ANKRD30B: variants seen among roughly 807,000 people sequenced by gnomAD.
ANKRD30B encodes the protein ankyrin repeat domain-containing protein 30B.
Under a neutral mutation model 202.2 loss-of-function variants are expected in ANKRD30B, and 144 were observed. That is an observed-to-expected ratio of 0.71 (90% CI 0.62 to 0.82). The LOEUF (loss-of-function observed/expected upper bound fraction) is 0.82. Ranked by LOEUF, ANKRD30B falls within the 40% of genes least tolerant of loss-of-function variation. The pLI is 0.00. For synonymous variants in ANKRD30B, 508 were observed against 561.3 expected (o/e 0.91, Z 1.34); for missense variants, 1,487 against 1,669.1 (o/e 0.89, Z 1.90).
intron 11 of ANKRD30B, among the ~76,000 whole-genome samples, chr18:14,781,514 C>T (rs1967745307): frequency 6.6e-6 from 1 of 152,082 alleles, no homozygotes. Context: ...AGCCAGGAGA[C>T]TTATTCTTAA....
chr18:14,861,425 A>T, the ANKRD30B span, among the ~76,000 whole-genome samples: 1 of 151,624 alleles, frequency 6.6e-6, no homozygotes, highest in Non-Finnish European at 1.5e-5. Context: ...TGGATGGAAA[A>T]ATATTCATCA....
intron 9 of ANKRD30B, among the ~76,000 whole-genome samples, chr18:14,776,292 G>T (rs573804491): frequency 1.3e-5 from 2 of 152,286 alleles, no homozygotes; most frequent in East Asian, 3.9e-4. Flanking sequence ...AGTAGGAAGA[G>T]AATAACAAAT....
At chr18:14,806,325 C>G (rs1969511549) in intron 24 of ANKRD30B, among the ~76,000 whole-genome samples, 1 of 150,854 alleles carries the variant, frequency 6.6e-6, no homozygotes, top group Non-Finnish European at 1.5e-5. Context: ...TTACAGATGT[C>G]AGCAAGCCTT....
downstream of ANKRD30B, among the ~76,000 whole-genome samples, chr18:14,858,721 G>C (rs1972138218): frequency 6.8e-6 from 1 of 147,342 alleles, no homozygotes; most frequent in African/African-American, 2.5e-5. Flanking sequence ...TCACCTCCCA[G>C]ACGGGGCGGC....
intron 19 of ANKRD30B, 37 bp from the exon 20 acceptor site, chr18:14,797,745 A>G: frequency 6.3e-7 from 1 of 1,599,288 alleles, no homozygotes; most frequent in Non-Finnish European, 8.5e-7. Flanking sequence ...TGAAGTGTAC[A>G]TTATATATTA....
intron 10 of ANKRD30B, among the ~76,000 whole-genome samples, chr18:14,779,435 C>T (rs1055254433): frequency 1.3e-5 from 2 of 152,172 alleles, no homozygotes; most frequent in African/African-American, 4.8e-5. Flanking sequence ...AAAACGCATT[C>T]ACACCAAATA....
chr18:14,926,936 T>C, the ANKRD30B span, among the ~76,000 whole-genome samples: 4 of 152,172 alleles, frequency 2.6e-5, no homozygotes, highest in East Asian at 7.7e-4. Flanking sequence ...TGTGTGTGTG[T>C]GTGTGTGTGT....
chr18:14,887,020 A>ATC, the ANKRD30B span, among the ~76,000 whole-genome samples: 3 of 152,122 alleles, frequency 2.0e-5, no homozygotes, highest in Non-Finnish European at 4.4e-5. Flanking sequence ...CTCATCTATA[A>ATC]ATGTATTACC....
At chr18:14,847,054 A>ATGTGTG (rs1293776468) in intron 39 of ANKRD30B, among the ~76,000 whole-genome samples, 2 of 17,924 alleles carry the variant, frequency 1.1e-4, no homozygotes, top group Admixed American at 4.1e-4. Flanking sequence ...TTAGTTTTAT[A>ATGTGTG]TATATATATA....
chr18:14,752,152 A>T (rs1913551879), intron 1 of ANKRD30B, among the ~76,000 whole-genome samples: 1 of 152,210 alleles, frequency 6.6e-6, no homozygotes, highest in African/African-American at 2.4e-5. Context: ...TCTAACAATT[A>T]CTTAGCTGTT....
chr18:14,810,152 A>C lies in ANKRD30B; in HGVS notation c.2460A>C (p.Glu820Asp), dbSNP rs532646735. ...RKVSLPNKAL[E>D]LKDRETLKAA... ...TTTCTCTTCCAAATAAAGCCTTAGA[A>C]TTAAAGGACAGAGAAACATTAAAAG... is the stretch of plus-strand genomic sequence containing the variant. Residue 820 changes from glutamate to aspartate, a missense_variant, in exon 28 of 44, where the codon GAA (glutamate) becomes GAC (aspartate). Glu to Asp is a conservative substitution (Grantham distance 45). This residue lies in a region of ANKRD30B where 218 missense variants were observed against 320.1 expected (regional missense o/e 0.68). Coordinates refer to ENST00000690538, the MANE Select transcript of ANKRD30B (RefSeq NM_001367607.2). 6.1e-6 allele frequency: 9 copies of C among 1,473,568 alleles called. 1 individual carries two copies. The African/African-American group carries it at 1.3e-4, about 21-fold the overall frequency. The allele number at this position is 1,473,568 out of a possible 1,614,324, so 91.3% of individuals were successfully genotyped here.
chr18:14,884,384 A>G, the ANKRD30B span, among the ~76,000 whole-genome samples: 1,085 of 152,238 alleles, frequency 7.1e-3, 16 homozygotes, highest in African/African-American at 0.025. Flanking sequence ...ATTCTGAACA[A>G]AAACACTGTG....
intron 9 of ANKRD30B, among the ~76,000 whole-genome samples, chr18:14,776,349 G>A (rs1967350924): frequency 6.6e-6 from 1 of 152,166 alleles, no homozygotes; most frequent in South Asian, 2.1e-4. Flanking sequence ...AAACAAAACA[G>A]AGAATGTTCA....
intron 23 of ANKRD30B, 107 bp from the exon 24 acceptor site, chr18:14,803,627 A>G: frequency 7.3e-7 from 1 of 1,373,034 alleles, no homozygotes; most frequent in South Asian, 1.3e-5. Flanking sequence ...AATTCCTTGT[A>G]AAGTAGGAAA....
At chr18:14,877,292 C>T in the ANKRD30B span, among the ~76,000 whole-genome samples, 211 of 129,734 alleles carry the variant, frequency 1.6e-3, no homozygotes, top group African/African-American at 5.1e-3. Context: ...TGGCATGGAA[C>T]GGGTACTCAA....
intron 10 of ANKRD30B, among the ~76,000 whole-genome samples, chr18:14,778,457 A>G (rs1345112158): frequency 2.0e-5 from 3 of 152,218 alleles, no homozygotes; most frequent in Non-Finnish European, 4.4e-5. Flanking sequence ...TGAAGAATAT[A>G]AGGTGACCTT....
At chr18:14,852,999 A>C (rs1350417112) in intron 42 of ANKRD30B, among the ~76,000 whole-genome samples, 1 of 152,168 alleles carries the variant, frequency 6.6e-6, no homozygotes. Flanking sequence ...GAAATTATGT[A>C]TTGTTAAAAC....
chr18:14,878,175 C>T, the ANKRD30B span, among the ~76,000 whole-genome samples: 79,582 of 151,938 alleles, frequency 0.52, 21,026 homozygotes, highest in African/African-American at 0.54. Flanking sequence ...AGTCAAAGAA[C>T]ATTTAAAATG....
intron 39 of ANKRD30B, among the ~76,000 whole-genome samples, chr18:14,847,002 C>A (rs1261506109): frequency 5.1e-5 from 7 of 138,012 alleles, no homozygotes; most frequent in Non-Finnish European, 9.4e-5. Flanking sequence ...CTGTTTTGTT[C>A]TTTTATTGCT....
Sources: gnomAD v4.1 joint callset for allele counts (sites outside exome capture counted in the v4.1 genomes callset) on GRCh38, gnomAD v4.1.1 for gene constraint, gnomAD v4.1.1 regional missense constraint, MANE v1.5 for transcripts, NCBI Gene and HGNC (gene_info 2026-07-23, HGNC 2026-07-21) for gene names.